Variants in ZBTB20 observed in about 807,000 individuals in gnomAD.
ZBTB20 encodes zinc finger and BTB domain containing 20.
ZBTB20 carries 9 observed loss-of-function variants against 56.9 expected under a neutral mutation model. That is an observed-to-expected ratio of 0.16 (90% confidence interval 0.10 to 0.28). ZBTB20 has a LOEUF of 0.28. Among genes scored for constraint, ZBTB20 ranks in the 10% least tolerant of loss-of-function variants. The probability of loss-of-function intolerance (pLI) is 1.00; values close to 1 mark genes in which losing one functional copy is unlikely to be tolerated. For missense variants in ZBTB20, 655 were observed against 1,003.0 expected (o/e 0.65, Z 4.69); for synonymous variants, 417 against 420.7 (o/e 0.99, Z 0.11).
chr3:114,976,915 A>T (rs2078125172), intron 2 of ZBTB20, among the ~76,000 whole-genome samples: 1 of 152,186 alleles, frequency 6.6e-6, no homozygotes, highest in Non-Finnish European at 1.5e-5. Context: ...GAAAATAAAC[A>T]GACTACATGA....
At position 114,355,856 on chromosome 3, in the gene ZBTB20, A is replaced by C. The variant is rs374207435; in HGVS notation, c.200-3978T>G. Among the ~76,000 whole-genome samples the C allele has an allele frequency of 6.6e-5, 10 of 151,864 alleles. No individual in the cohort carries two copies. In the South Asian group the frequency reaches 1.5e-3, roughly 22 times the overall value. On this transcript the variant is annotated intron_variant, in intron 10 of 11. Transcript: ENST00000675478. ...AGAAAAAAAAAACACACACACACAC[A>C]CCCAAACCCCAACCCTATCAACTGT...
intron 6 of ZBTB20, among the ~76,000 whole-genome samples, chr3:114,586,989 C>CTTTTTTTTTTTTTTTT (rs1195918426): frequency 1.3e-5 from 1 of 76,976 alleles, no homozygotes; most frequent in Non-Finnish European, 2.4e-5. Context: ...GTATAACTCC[C>CTTTTTTTTTTTTTTTT]TTTTTTTTTT....
At chr3:114,388,585 A>G (rs1478991868) in intron 8 of ZBTB20, 2 of 152,390 alleles carry the variant, frequency 1.3e-5, no homozygotes, top group Non-Finnish European at 2.9e-5. Context: ...ACAGGTAAAT[A>G]AAACCAAGCA....
At chr3:114,594,474 C>T (rs937363010) in intron 6 of ZBTB20, among the ~76,000 whole-genome samples, 1 of 151,876 alleles carries the variant, frequency 6.6e-6, no homozygotes, top group Non-Finnish European at 1.5e-5. Flanking sequence ...ACTATGTTGG[C>T]CAAGATGGTC....
intron 3 of ZBTB20, among the ~76,000 whole-genome samples, chr3:114,971,289 A>G (rs2077871735): frequency 6.6e-6 from 1 of 152,212 alleles, no homozygotes. Context: ...AAAACTGAAG[A>G]TTCTGTGTAA....
intron 4 of ZBTB20, among the ~76,000 whole-genome samples, chr3:114,835,902 G>A (rs993488838): frequency 6.6e-6 from 1 of 152,016 alleles, no homozygotes; most frequent in East Asian, 1.9e-4. Context: ...GGAGTTCTCT[G>A]ATCACTTTGT....
chr3:114,574,386 T>C (rs1404710049), intron 6 of ZBTB20, among the ~76,000 whole-genome samples: 6 of 152,206 alleles, frequency 3.9e-5, no homozygotes, highest in African/African-American at 1.4e-4. Flanking sequence ...GAATTTTGTG[T>C]CAATATATAG....
rs905490517 is a variant in ZBTB20, at chr3:114,923,003, C to A, written c.-455-22661G>T. Among the ~76,000 whole-genome samples the A allele has an allele frequency of 5.3e-5, 8 of 152,236 alleles. No individual in the cohort carries two copies. The South Asian group carries it at 8.3e-4, about 16-fold the overall frequency. On this transcript the variant is annotated intron_variant, in intron 3 of 11. Transcript: ENST00000675478. ...CAATAGTATCAAATACAATAACATA[C>A]TAAGAAATAAATTTAACCAAGTTGA...
intron 6 of ZBTB20, among the ~76,000 whole-genome samples, chr3:114,667,581 A>G (rs1010287972): frequency 4.6e-5 from 7 of 152,048 alleles, no homozygotes; most frequent in African/African-American, 1.7e-4. Flanking sequence ...GGATAATCAA[A>G]AAACATGACA....
chr3:114,880,480 G>T (rs2076359117), intron 4 of ZBTB20, among the ~76,000 whole-genome samples: 1 of 152,110 alleles, frequency 6.6e-6, no homozygotes, highest in African/African-American at 2.4e-5. Flanking sequence ...TTCAGAGACT[G>T]CTGGGACAGA....
At position 114,563,112 on chromosome 3, in the gene ZBTB20, C is replaced by A. The variant is rs73857629; in HGVS notation, c.-294-62721G>T. On this transcript the variant is annotated intron_variant, in intron 6 of 11. Transcript: ENST00000675478. ...CAAAAAATGTAATGTCTGGAAAGTG[C>A]AATAAAGTAAAGTGCAATAGAAAGA... 4.6e-3 allele frequency among the ~76,000 whole-genome samples: 704 copies of A among 152,198 alleles called. 4 individuals carry two copies. Among genetic ancestry groups the A allele is most frequent in the African/African-American group, 0.016 (676 of 41,530 alleles).
At chr3:114,412,895 C>T (rs1240060077) in intron 7 of ZBTB20, among the ~76,000 whole-genome samples, 1 of 152,162 alleles carries the variant, frequency 6.6e-6, no homozygotes, top group Non-Finnish European at 1.5e-5. Context: ...GATTCTTCCT[C>T]TATGGTCCAG....
At chr3:114,782,681 G>T (rs2070190659) in intron 5 of ZBTB20, among the ~76,000 whole-genome samples, 1 of 152,146 alleles carries the variant, frequency 6.6e-6, no homozygotes, top group Non-Finnish European at 1.5e-5. Flanking sequence ...ATAATGTGTT[G>T]TGGGAGATGA....
At chr3:114,958,274 A>C (rs1253308537) in intron 3 of ZBTB20, among the ~76,000 whole-genome samples, 5 of 152,248 alleles carry the variant, frequency 3.3e-5, no homozygotes, top group Non-Finnish European at 5.9e-5. Context: ...CTGTCTAAAG[A>C]ATTTATTTTG....
At chr3:114,639,020 C>T (rs909598256) in intron 6 of ZBTB20, among the ~76,000 whole-genome samples, 8 of 152,052 alleles carry the variant, frequency 5.3e-5, no homozygotes, top group African/African-American at 1.9e-4. Flanking sequence ...GGTTGTATGA[C>T]TGTGATTCAC....
chr3:114,364,813 T>G (rs1386772747), intron 10 of ZBTB20, among the ~76,000 whole-genome samples: 4 of 152,234 alleles, frequency 2.6e-5, no homozygotes, highest in Non-Finnish European at 4.4e-5. Context: ...ATTTTTCAAC[T>G]ACTGTAGCCC....
At chr3:114,445,011 GC>G (rs554427525) in intron 7 of ZBTB20, among the ~76,000 whole-genome samples, 64 of 152,222 alleles carry the variant, frequency 4.2e-4, no homozygotes, top group Non-Finnish European at 6.5e-4. Flanking sequence ...GATATCTAAA[GC>G]CCCTTCAAGC....
chr3:115,093,403 A>G (rs1471401267), intron 1 of ZBTB20, among the ~76,000 whole-genome samples: 3 of 152,216 alleles, frequency 2.0e-5, no homozygotes, highest in African/African-American at 7.2e-5. Flanking sequence ...TCCAACATTT[A>G]GAAAGCGAAA....
chr3:114,758,364 C>A (rs2108683689), intron 5 of ZBTB20, among the ~76,000 whole-genome samples: 1 of 152,230 alleles, frequency 6.6e-6, no homozygotes, highest in Middle Eastern at 3.4e-3. Context: ...AAAGACCACA[C>A]AATTGACAAT....
Sources: gnomAD v4.1 joint callset for allele counts (sites outside exome capture counted in the v4.1 genomes callset) on GRCh38, gnomAD v4.1.1 for gene constraint, MANE v1.5 for transcripts, NCBI Gene and HGNC (gene_info 2026-07-23, HGNC 2026-07-21) for gene names.